PDE4B: variants seen among roughly 807,000 people sequenced by gnomAD.
PDE4B encodes 3',5'-cyclic-AMP phosphodiesterase 4B.
PDE4B carries 20 observed loss-of-function variants against 82.2 expected under a neutral mutation model. That is an observed-to-expected ratio of 0.24 (90% CI 0.17 to 0.35). The LOEUF (loss-of-function observed/expected upper bound fraction) is 0.35. Among genes scored for constraint, PDE4B ranks in the 10% least tolerant of loss-of-function variants. The pLI is 1.00. For missense variants in PDE4B, 655 were observed against 907.2 expected (o/e 0.72, Z 3.57); for synonymous variants, 320 against 318.9 (o/e 1.00, Z -0.04).
intron 1 of PDE4B, among the ~76,000 whole-genome samples, chr1:65,887,242 C>CTT (rs756705116): frequency 9.7e-5 from 2 of 20,720 alleles, no homozygotes; most frequent in African/African-American, 2.1e-4. Context: ...TTCTTTCTTT[C>CTT]TTTCTTTTCT....
chr1:66,042,135 G>T (rs1211257120), intron 3 of PDE4B, among the ~76,000 whole-genome samples: 1 of 151,790 alleles, frequency 6.6e-6, no homozygotes, highest in East Asian at 1.9e-4. Flanking sequence ...AACTTCAGGT[G>T]ATTGTTTCCC....
Position 65,919,122 on chromosome 1 carries a change from CT to C in PDE4B, c.281+293del, listed in dbSNP as rs1477203867. Among the ~76,000 whole-genome samples the C allele has an allele frequency of 5.3e-5, 8 of 152,222 alleles. No individual in the cohort carries two copies. The South Asian group carries it at 1.2e-3, about 24-fold the overall frequency. ...AACAAAATTACTGCTTATGATCTAA[CT>C]TTTTTAAAAAGAGCTATACAGTGTG... is the stretch of plus-strand genomic sequence containing the variant. On this transcript the variant is annotated intron_variant, in intron 3 of 16. Coordinates refer to ENST00000341517, the MANE Select transcript of PDE4B (RefSeq NM_002600.4).
chr1:66,129,780 G>T (rs1645902719), intron 3 of PDE4B, among the ~76,000 whole-genome samples: 2 of 151,658 alleles, frequency 1.3e-5, no homozygotes, highest in Non-Finnish European at 2.9e-5. Context: ...TGTAAAAAGT[G>T]TGTGTGCTAG....
At chr1:65,835,766 A>G (rs1646132939) in intron 1 of PDE4B, among the ~76,000 whole-genome samples, 1 of 152,116 alleles carries the variant, frequency 6.6e-6, no homozygotes, top group African/African-American at 2.4e-5. Context: ...TGGCAGTTCA[A>G]AAAATTGAAT....
chr1:66,155,340 A>G (rs1378899411), intron 3 of PDE4B, among the ~76,000 whole-genome samples: 1 of 151,386 alleles, frequency 6.6e-6, no homozygotes, highest in African/African-American at 2.4e-5. Context: ...CCTACCTACA[A>G]TTTCTGCTCC....
intron 3 of PDE4B, among the ~76,000 whole-genome samples, chr1:65,976,008 G>A (rs561103625): frequency 2.6e-5 from 4 of 152,192 alleles, no homozygotes; most frequent in Non-Finnish European, 5.9e-5. Context: ...GCCCAGTGGA[G>A]CTGTGAGAAG....
chr1:66,228,171 C>T (rs1651608820), intron 3 of PDE4B, among the ~76,000 whole-genome samples: 1 of 152,192 alleles, frequency 6.6e-6, no homozygotes, highest in Non-Finnish European at 1.5e-5. Context: ...GTTAACCTGA[C>T]CACCTGTTCA....
At chr1:65,909,630 C>T (rs926424717) in intron 1 of PDE4B, among the ~76,000 whole-genome samples, 2 of 152,128 alleles carry the variant, frequency 1.3e-5, no homozygotes, top group Admixed American at 6.5e-5. Context: ...AACTATTAAA[C>T]ATATATCAGA....
chr1:65,928,505 T>G lies in PDE4B; in HGVS notation c.281+9670T>G, dbSNP rs186577422. On this transcript the variant is annotated intron_variant, in intron 3 of 16. Coordinates refer to ENST00000341517, the MANE Select transcript of PDE4B (RefSeq NM_002600.4). ...GCCTTTGAAGGTTGAGTGCCACCACTTGGCTCCTGCCACCTCAGGATCTAA... is the reference window on the plus strand; with the variant it reads ...GCCTTTGAAGGTTGAGTGCCACCACGTGGCTCCTGCCACCTCAGGATCTAA... 2.8e-3 allele frequency among the ~76,000 whole-genome samples: 432 copies of G among 152,328 alleles called. 1 individual carries two copies. The highest frequency in any genetic ancestry group is 9.7e-3 in the African/African-American group (403 of 41,566).
At chr1:66,332,290 G>T in intron 7 of PDE4B, 1 of 1,523,142 alleles carries the variant, frequency 6.6e-7, no homozygotes, top group Non-Finnish European at 8.8e-7. Flanking sequence ...CCAGGCGGGG[G>T]GTTGGGGGGA....
chr1:66,126,527 A>G (rs1645827401), intron 3 of PDE4B, among the ~76,000 whole-genome samples: 1 of 152,230 alleles, frequency 6.6e-6, no homozygotes. Flanking sequence ...CAGAAAACCT[A>G]GAACAAAAAG....
In PDE4B at chr1:66,273,555, A is replaced by G. The variant is rs115591655; in HGVS notation, c.634+7468A>G. ...TCATCTTCTTGATATACCTTCTGCA[A>G]CTCACCCAAAATTACTGTTAATTAT... On this transcript the variant is annotated intron_variant, in intron 7 of 16. Transcript: ENST00000341517. 4.6e-3 allele frequency among the ~76,000 whole-genome samples: 696 copies of G among 152,282 alleles called. 6 individuals carry two copies. The highest frequency in any genetic ancestry group is 0.016 in the African/African-American group (663 of 41,546).
At position 66,363,460 on chromosome 1, in the gene PDE4B, C is replaced by T. The variant is rs1236161597; in HGVS notation, c.1173C>T (p.Tyr391=). The T allele has an allele frequency of 1.9e-6, 3 of 1,613,436 alleles. No homozygotes were observed. Among genetic ancestry groups the T allele is most frequent in the South Asian group, 1.1e-5 (1 of 91,064 alleles). The change falls in exon 12 of 17, where the codon TAC becomes TAT. Residue 391 remains tyrosine, a synonymous_variant. Transcript: ENST00000341517. ...TCTCATCTGACACATTTATAACCTACATGATGACTTTAGAAGACCATTACC... is the reference window on the plus strand; with the variant it reads ...TCTCATCTGACACATTTATAACCTATATGATGACTTTAGAAGACCATTACC... ...FRISSDTFIT[Y]MMTLEDHYHS...
chr1:65,972,213 T>C (rs1351292116), intron 3 of PDE4B, among the ~76,000 whole-genome samples: 2 of 152,222 alleles, frequency 1.3e-5, no homozygotes, highest in Admixed American at 6.5e-5. Flanking sequence ...ATATGCCTTG[T>C]GGTCAGATAG....
Position 66,368,013 on chromosome 1 carries a change from A to C in PDE4B, c.1610A>C (p.Lys537Thr). The change falls in exon 15 of 17, where the codon AAA (lysine) becomes ACA (threonine). Residue 537 changes from lysine to threonine, a missense_variant. This residue lies in a region of PDE4B where 283 missense variants were observed against 516.4 expected (regional missense o/e 0.55). Transcript: ENST00000341517. The part of the protein sequence containing the change: ...ADLKTMVETK[K>T]VTSSGVLLLD... ...CTGAAGACAATGGTAGAAACGAAGA[A>C]AGTTACAAGTTCAGGCGTTCTTCTC... The C allele has an allele frequency of 6.2e-7, 1 of 1,613,916 alleles. No homozygotes were observed.
In PDE4B at chr1:65,871,573, A is replaced by T. The variant is rs553089583; in HGVS notation, c.-70-41672A>T. 2.6e-5 allele frequency among the ~76,000 whole-genome samples: 4 copies of T among 152,368 alleles called. No homozygotes were observed. In the South Asian group the frequency reaches 8.3e-4, roughly 32 times the overall value. On this transcript the variant is annotated intron_variant, in intron 1 of 16. Transcript: ENST00000341517. ...AAACACTTGGCATAATGCCTGGCACATAGCTAATTAGAATTTGTACTTTAT... is the reference window on the plus strand; with the variant it reads ...AAACACTTGGCATAATGCCTGGCACTTAGCTAATTAGAATTTGTACTTTAT...
At chr1:66,066,483 G>A (rs931418474) in intron 3 of PDE4B, among the ~76,000 whole-genome samples, 12 of 151,722 alleles carry the variant, frequency 7.9e-5, no homozygotes, top group Admixed American at 6.6e-4. Context: ...AGCTGATTTC[G>A]CCTTTGAATT....
chr1:65,939,506 C>G (rs1371272081), intron 3 of PDE4B, among the ~76,000 whole-genome samples: 1 of 152,094 alleles, frequency 6.6e-6, no homozygotes, highest in African/African-American at 2.4e-5. Flanking sequence ...TGTGAAATAA[C>G]TAAAATTCTG....
intron 3 of PDE4B, among the ~76,000 whole-genome samples, chr1:66,029,812 A>G (rs1653663366): frequency 1.3e-5 from 2 of 152,188 alleles, no homozygotes; most frequent in African/African-American, 4.8e-5. Context: ...TTGATTTTAT[A>G]TATGCTTAAA....
Sources: allele counts gnomAD v4.1 joint callset (sites outside exome capture counted in the v4.1 genomes callset), GRCh38; gene constraint gnomAD v4.1.1; regional missense constraint gnomAD v4.1.1; transcripts MANE v1.5; gene names NCBI Gene and HGNC (gene_info 2026-07-23, HGNC 2026-07-21).